Variants in ITGA4 observed in about 807,000 individuals in gnomAD.
The protein encoded by ITGA4 is integrin alpha-4.
A neutral mutation model predicts 133.6 loss-of-function variants in ITGA4; 63 were observed. The observed-to-expected ratio is 0.47, with a 90% CI of 0.38 to 0.58. The LOEUF is 0.58. ITGA4 is among the 20% of genes least tolerant of loss of function. The probability of loss-of-function intolerance (pLI) is 0.00; values close to 1 mark genes in which losing one functional copy is unlikely to be tolerated. For synonymous variants in ITGA4, 483 were observed against 438.0 expected (o/e 1.10, Z -1.28); for missense variants, 1,076 against 1,252.7 (o/e 0.86, Z 2.13).
Position 181,485,915 on chromosome 2 carries a change from T to C in ITGA4, c.1076T>C (p.Val359Ala). 1.2e-6 allele frequency: 2 copies of C among 1,604,520 alleles called. No homozygotes were observed. Among genetic ancestry groups the C allele is most frequent in the East Asian group, 2.3e-5 (1 of 44,302 alleles). ...ATGAATGCAATGGAAACAAACCTCG[T>C]TGGAAGTGACAAATATGCTGCAAGA... Reference protein sequence around the residue: ...AVMNAMETNLVGSDKYAARFG... With the variant: ...AVMNAMETNLAGSDKYAARFG... Residue 359 changes from valine (V) to alanine (A), a missense_variant, in exon 10 of 28, where the codon GTT becomes GCT. Physicochemically the swap from Val to Ala is moderately conservative, Grantham distance 64. Coordinates refer to ENST00000397033, the MANE Select transcript of ITGA4 (RefSeq NM_000885.6).
chr2:181,470,965 A>G (rs1685536469), intron 2 of ITGA4, among the ~76,000 whole-genome samples: 1 of 152,154 alleles, frequency 6.6e-6, no homozygotes, highest in Non-Finnish European at 1.5e-5. Flanking sequence ...AACAGATTCT[A>G]ACCTGTAACC....
intron 25 of ITGA4, among the ~76,000 whole-genome samples, chr2:181,533,212 A>G (rs1239121548): frequency 6.6e-6 from 1 of 152,160 alleles, no homozygotes; most frequent in Non-Finnish European, 1.5e-5. Flanking sequence ...TGATTTTTAT[A>G]AGCACTTAGT....
rs762837438 is a variant in ITGA4 at position 181,458,302 on chromosome 2, G to A, written c.304G>A (p.Glu102Lys). The A allele has an allele frequency of 3.7e-6, 6 of 1,611,832 alleles. No individual in the cohort carries two copies. Among genetic ancestry groups the A allele is most frequent in the East Asian group, 2.2e-5 (1 of 44,794 alleles). The change falls in exon 2 of 28, where the codon GAA (glutamate) becomes AAA (lysine). Residue 102 changes from glutamate to lysine, a missense_variant. Around this residue, in one of 4 missense-constraint regions of ITGA4, gnomAD observed 436 missense variants for 590.7 expected, o/e 0.74. Coordinates refer to ENST00000397033, the MANE Select transcript of ITGA4 (RefSeq NM_000885.6). ...CGGAAAGAATCCCGGCCAGACGTGC[G>A]AACAGCTCCAGCTGGGTGAGTTGGG... ...RIGKNPGQTC[E>K]QLQLGSPNGE...
At chr2:181,476,999 G>A (rs1685692034) in intron 4 of ITGA4, among the ~76,000 whole-genome samples, 1 of 152,010 alleles carries the variant, frequency 6.6e-6, no homozygotes, top group Non-Finnish European at 1.5e-5. Flanking sequence ...GCAGAGAGAG[G>A]ATTGAAAAAC....
At chr2:181,480,072 A>C in intron 5 of ITGA4, 65 bp from the exon 6 acceptor site, 1 of 1,143,228 alleles carries the variant, frequency 8.7e-7, no homozygotes, top group Non-Finnish European at 1.2e-6. Flanking sequence ...ACTATCGTGT[A>C]TCTGGAGGAG....
intron 2 of ITGA4, chr2:181,459,392 C>A (rs549607899): frequency 6.6e-6 from 1 of 152,274 alleles, no homozygotes; most frequent in East Asian, 1.9e-4. Context: ...CTTTATATTT[C>A]TTTGCTATAA....
At chr2:181,459,978 T>C (rs980866083) in intron 2 of ITGA4, among the ~76,000 whole-genome samples, 16 of 142,420 alleles carry the variant, frequency 1.1e-4, no homozygotes, top group Admixed American at 9.7e-4. Flanking sequence ...AAGGAAAAAA[T>C]TGTTTGGGCA....
chr2:181,482,974 C>A (rs1235098520), intron 9 of ITGA4, among the ~76,000 whole-genome samples: 1 of 151,982 alleles, frequency 6.6e-6, no homozygotes, highest in African/African-American at 2.4e-5. Context: ...AATTTTCATA[C>A]CTCCTTCAAA....
Position 181,536,656 on chromosome 2 carries a change from TGAGAC to T in ITGA4, c.*1132_*1136del, listed in dbSNP as rs1401280137. 5.5e-6 allele frequency: 1 copy of T among 182,846 alleles called. No individual in the cohort carries two copies. Among genetic ancestry groups the T allele is most frequent in the East Asian group, 1.6e-4 (1 of 6,408 alleles). 11.3% of individuals were successfully genotyped at this position (182,846 alleles called of 1,614,324 possible). On this transcript the variant is annotated 3_prime_UTR_variant, in exon 28 of 28. Transcript: ENST00000397033. The stretch of plus-strand genomic sequence containing the variant: ...TCAATTTGTATACAGTGAATATAAA[TGAGAC>T]GACAGCAAAATTTTCATGAAATGTA...
At chr2:181,503,562 T>A (rs1299842818) in intron 15 of ITGA4, among the ~76,000 whole-genome samples, 1 of 60,062 alleles carries the variant, frequency 1.7e-5, no homozygotes, top group Non-Finnish European at 3.2e-5. Flanking sequence ...AGGAAGAAAT[T>A]GTCTTTTTTT....
chr2:181,475,936 T>G, intron 4 of ITGA4: 1 of 1,482,150 alleles, frequency 6.7e-7, no homozygotes, highest in Non-Finnish European at 9.0e-7. Flanking sequence ...AATGCGTCTT[T>G]AGGAGCTAAG....
chr2:181,532,897 TTGAGA>T (rs1284680863), intron 25 of ITGA4, among the ~76,000 whole-genome samples: 1 of 152,172 alleles, frequency 6.6e-6, no homozygotes, highest in Non-Finnish European at 1.5e-5. Context: ...ATAGCTCTTA[TTGAGA>T]TATGTTCCAT....
At chr2:181,497,838 A>T (rs539163420) in intron 14 of ITGA4, among the ~76,000 whole-genome samples, 1 of 151,912 alleles carries the variant, frequency 6.6e-6, no homozygotes, top group East Asian at 1.9e-4. Flanking sequence ...TCTTGGTAAG[A>T]TCTGGCTTGG....
At chr2:181,497,896 T>C (rs1686186695) in intron 14 of ITGA4, among the ~76,000 whole-genome samples, 1 of 151,902 alleles carries the variant, frequency 6.6e-6, no homozygotes, top group Non-Finnish European at 1.5e-5. Flanking sequence ...TCTTTCAAAT[T>C]TGGAGATCTT....
chr2:181,494,135 C>T (rs1232523679), intron 11 of ITGA4, among the ~76,000 whole-genome samples: 1 of 152,120 alleles, frequency 6.6e-6, no homozygotes, highest in Non-Finnish European at 1.5e-5. Flanking sequence ...TGTATGTGAA[C>T]ATGAAATTAG....
intron 15 of ITGA4, among the ~76,000 whole-genome samples, chr2:181,500,051 T>C (rs530854046): frequency 2.6e-5 from 4 of 152,194 alleles, no homozygotes; most frequent in Non-Finnish European, 4.4e-5. Context: ...ATATTTGTAG[T>C]GTTACCATGG....
Position 181,534,358 on chromosome 2 carries a change from G to C in ITGA4, c.2871G>C (p.Glu957Asp). The stretch of plus-strand genomic sequence containing the variant: ...GAGTAATTGAACTAAACAAGGATGA[G>C]AATGTTGCGCATGTAAGATTACCCT... Reference protein sequence around the residue: ...NPRVIELNKDENVAHVLLEGL... With the variant: ...NPRVIELNKDDNVAHVLLEGL... The change falls in exon 26 of 28, where the codon GAG becomes GAC. Residue 957 changes from glutamate to aspartate, a missense_variant. This residue lies in a region of ITGA4 where 193 missense variants were observed against 172.3 expected (regional missense o/e 1.12). Transcript: ENST00000397033. The C allele has an allele frequency of 1.9e-6, 3 of 1,589,662 alleles. No individual in the cohort carries two copies. The highest frequency in any genetic ancestry group is 2.6e-6 in the Non-Finnish European group (3 of 1,158,238).
intron 7 of ITGA4, 94 bp from the exon 8 acceptor site, chr2:181,482,266 G>A: frequency 7.9e-7 from 1 of 1,260,210 alleles, no homozygotes; most frequent in Non-Finnish European, 1.1e-6. Context: ...TTAACTGCAA[G>A]TTGTAAAAAT....
At chr2:181,535,350 C>G in intron 27 of ITGA4, 82 bp from the exon 28 acceptor site, 1 of 1,064,364 alleles carries the variant, frequency 9.4e-7, no homozygotes, top group South Asian at 2.1e-5. Context: ...TTGGTGTTAA[C>G]TGCTTAGATA....
Sources: gnomAD v4.1 joint callset for allele counts (sites outside exome capture counted in the v4.1 genomes callset) on GRCh38, gnomAD v4.1.1 for gene constraint, gnomAD v4.1.1 regional missense constraint, MANE v1.5 for transcripts, NCBI Gene and HGNC (gene_info 2026-07-23, HGNC 2026-07-21) for gene names.